Variants in FGGY observed in about 807,000 individuals in gnomAD.
FGGY encodes FGGY carbohydrate kinase domain containing, also known as FGGY carbohydrate kinase domain-containing protein.
A neutral mutation model predicts 71.3 loss-of-function variants in FGGY; 72 were observed. That is an observed-to-expected ratio of 1.01 (90% CI 0.84 to 1.23). The LOEUF is 1.23. Among genes scored for constraint, FGGY ranks in the 50% most tolerant of loss-of-function variants. The pLI, the probability that FGGY is intolerant of heterozygous loss-of-function variation, is 0.00. For synonymous variants in FGGY, 251 were observed against 250.3 expected (o/e 1.00, Z -0.02); for missense variants, 668 against 682.3 (o/e 0.98, Z 0.23).
At chr1:59,456,682 A>C (rs1410992548) in intron 5 of FGGY, among the ~76,000 whole-genome samples, 1 of 152,090 alleles carries the variant, frequency 6.6e-6, no homozygotes, top group African/African-American at 2.4e-5. Context: ...TCCTGACCTT[A>C]AGTGATCTGC....
chr1:59,552,762 C>A (rs1047163141), intron 7 of FGGY, among the ~76,000 whole-genome samples: 3 of 152,222 alleles, frequency 2.0e-5, no homozygotes, highest in Non-Finnish European at 4.4e-5. Context: ...AGGCTTCCAT[C>A]TCCTTCCCAC....
chr1:59,465,858 A>T (rs960616765), intron 6 of FGGY, among the ~76,000 whole-genome samples: 3 of 152,222 alleles, frequency 2.0e-5, no homozygotes, highest in Non-Finnish European at 2.9e-5. Context: ...ATAAAAGAGG[A>T]CACAAACAAA....
intron 5 of FGGY, among the ~76,000 whole-genome samples, chr1:59,391,137 G>A (rs1024765705): frequency 6.6e-6 from 1 of 152,192 alleles, no homozygotes; most frequent in African/African-American, 2.4e-5. Flanking sequence ...GTGGTTCGAT[G>A]ACCTTTTTCT....
intron 5 of FGGY, among the ~76,000 whole-genome samples, chr1:59,394,434 C>A (rs17119359): frequency 6.6e-6 from 1 of 152,026 alleles, no homozygotes; most frequent in African/African-American, 2.4e-5. Flanking sequence ...GTGTAAAATG[C>A]CCACCCTGGG....
chr1:59,381,117 T>C (rs957001791), intron 5 of FGGY, among the ~76,000 whole-genome samples: 11 of 152,210 alleles, frequency 7.2e-5, no homozygotes, highest in African/African-American at 2.7e-4. Context: ...TGTGGCATTA[T>C]TTCTGAGGGC....
intron 8 of FGGY, among the ~76,000 whole-genome samples, chr1:59,584,004 A>G (rs1220698603): frequency 6.7e-6 from 1 of 149,428 alleles, no homozygotes; most frequent in African/African-American, 2.5e-5. Context: ...AGACCAGGTG[A>G]AATTGAGGCA....
In FGGY at chr1:59,311,241, A is replaced by T. The variant is rs112570952; in HGVS notation, c.-14-10295A>T. On this transcript the variant is annotated intron_variant, in intron 1 of 15. Coordinates refer to ENST00000303721, the MANE Select transcript of FGGY (RefSeq NM_018291.5). ...AGCTCTGGCTGATAACAAACCTGAA[A>T]TTTTTTTTTTTTTTAAAGATTCTTT... Among the ~76,000 whole-genome samples the T allele has an allele frequency of 2.3e-3, 334 of 146,282 alleles. 1 individual carries two copies. Among genetic ancestry groups the T allele is most frequent in the African/African-American group, 4.7e-3 (186 of 39,950 alleles).
chr1:59,651,867 A>G (rs1037473250), intron 11 of FGGY, among the ~76,000 whole-genome samples: 2 of 151,710 alleles, frequency 1.3e-5, no homozygotes, highest in East Asian at 1.9e-4. Flanking sequence ...TTACATTTTG[A>G]CATGATTTTG....
chr1:59,353,307 A>T (rs746613654), intron 4 of FGGY, among the ~76,000 whole-genome samples: 3 of 152,194 alleles, frequency 2.0e-5, no homozygotes, highest in Admixed American at 6.5e-5. Context: ...GTTTCTACTG[A>T]TGGGCATTTC....
chr1:59,653,061 G>A, intron 11 of FGGY, among the ~76,000 whole-genome samples: 1 of 152,222 alleles, frequency 6.6e-6, no homozygotes, highest in Non-Finnish European at 1.5e-5. Context: ...CAGTTAGGCT[G>A]CTCGTGGGTC....
intron 5 of FGGY, among the ~76,000 whole-genome samples, chr1:59,379,110 A>G (rs1219778974): frequency 6.6e-6 from 1 of 151,566 alleles, no homozygotes; most frequent in Non-Finnish European, 1.5e-5. Context: ...CCAGAGTGAA[A>G]TGTGGATTTT....
chr1:59,548,222 A>G (rs1558309346), intron 7 of FGGY, among the ~76,000 whole-genome samples: 1 of 152,298 alleles, frequency 6.6e-6, no homozygotes, highest in East Asian at 1.9e-4. Context: ...GATGAGGTGT[A>G]TTGGTGGAAA....
intron 14 of FGGY, chr1:59,697,565 C>T (rs2097672110): frequency 1.4e-6 from 1 of 706,068 alleles, no homozygotes; most frequent in Non-Finnish European, 2.3e-6. Flanking sequence ...TGCAACATAG[C>T]TTGTTCTCTG....
chr1:59,478,246 T>C (rs1326661462), intron 6 of FGGY, among the ~76,000 whole-genome samples: 1 of 152,236 alleles, frequency 6.6e-6, no homozygotes, highest in African/African-American at 2.4e-5. Context: ...TAATTACTTT[T>C]ATTTTCTCTG....
In FGGY at chr1:59,685,878, A is replaced by T. The variant is rs184477380; in HGVS notation, c.1512+11745A>T. Reference sequence around the variant, plus strand: ...AGCAATCCCCTAGGGGGTTACTTTGACTGAACTTCAGGCAACCAAGGCAAA... The same window carrying T: ...AGCAATCCCCTAGGGGGTTACTTTGTCTGAACTTCAGGCAACCAAGGCAAA... On this transcript the variant is annotated intron_variant, in intron 14 of 15. Transcript: ENST00000303721. Among the ~76,000 whole-genome samples the T allele has an allele frequency of 1.5e-3, 234 of 152,344 alleles. 1 individual carries two copies. Among genetic ancestry groups the T allele is most frequent in the African/African-American group, 4.9e-3 (205 of 41,582 alleles).
chr1:59,333,728 G>A (rs541432908), intron 2 of FGGY, among the ~76,000 whole-genome samples: 4 of 152,334 alleles, frequency 2.6e-5, no homozygotes, highest in East Asian at 1.9e-4. Flanking sequence ...CTTCAGCCAC[G>A]TAGCCATGGT....
At chr1:59,342,476 A>C (rs921502337) in intron 3 of FGGY, among the ~76,000 whole-genome samples, 1 of 152,194 alleles carries the variant, frequency 6.6e-6, no homozygotes, top group Non-Finnish European at 1.5e-5. Context: ...TCTAATTATA[A>C]GTGTTGAAAT....
chr1:59,622,728 A>C (rs544011387), intron 9 of FGGY, among the ~76,000 whole-genome samples: 3 of 152,230 alleles, frequency 2.0e-5, no homozygotes, highest in Non-Finnish European at 2.9e-5. Flanking sequence ...CTCATTTCTT[A>C]ATCAGAAAGA....
intron 6 of FGGY, among the ~76,000 whole-genome samples, chr1:59,500,139 A>G (rs1452961390): frequency 6.6e-6 from 1 of 152,170 alleles, no homozygotes; most frequent in African/African-American, 2.4e-5. Flanking sequence ...TAACCACGTG[A>G]ATTCTTTAAA....
Sources: gnomAD v4.1 joint callset for allele counts (sites outside exome capture counted in the v4.1 genomes callset) on GRCh38, gnomAD v4.1.1 for gene constraint, MANE v1.5 for transcripts, NCBI Gene and HGNC (gene_info 2026-07-23, HGNC 2026-07-21) for gene names.